The following CHMP3 variants were observed in gnomAD, a reference collection of about 807,000 sequenced individuals.
CHMP3 encodes the protein 25.1 protein.
Under a neutral mutation model 27.4 loss-of-function variants are expected in CHMP3, and 8 were observed. The observed-to-expected ratio is 0.29, with a 90% CI of 0.17 to 0.53. The LOEUF is 0.53. Ranked by LOEUF, CHMP3 falls within the 20% of genes least tolerant of loss-of-function variation. CHMP3 has a pLI of 0.96. For missense variants in CHMP3, 208 were observed against 271.5 expected (o/e 0.77, Z 1.64); for synonymous variants, 86 against 85.5 (o/e 1.01, Z -0.03).
At chr2:86,517,565 C>CAA (rs70956116) in intron 3 of CHMP3, among the ~76,000 whole-genome samples, 1,405 of 89,732 alleles carry the variant, frequency 0.016, 46 homozygotes, top group African/African-American at 0.046. Flanking sequence ...GACTCCGTCT[C>CAA]AAAAAAAAAA....
chr2:86,517,702 T>C (rs976104242), intron 3 of CHMP3, among the ~76,000 whole-genome samples: 4 of 151,774 alleles, frequency 2.6e-5, no homozygotes, highest in African/African-American at 9.7e-5. Context: ...CAGGCTCTCA[T>C]GGGAATTACA....
intron 3 of CHMP3, among the ~76,000 whole-genome samples, chr2:86,519,180 G>C (rs754109090): frequency 1.3e-5 from 2 of 151,806 alleles, no homozygotes; most frequent in Non-Finnish European, 2.9e-5. Flanking sequence ...TCAAGACCAG[G>C]CTCCTCAACA....
intron 1 of CHMP3, among the ~76,000 whole-genome samples, chr2:86,558,459 T>C (rs1259009218): frequency 6.6e-6 from 1 of 152,206 alleles, no homozygotes; most frequent in Non-Finnish European, 1.5e-5. Flanking sequence ...TACTAAACCT[T>C]ATTCTGATAC....
chr2:86,532,021 T>G (rs1340007746), intron 2 of CHMP3, among the ~76,000 whole-genome samples: 2 of 152,224 alleles, frequency 1.3e-5, no homozygotes, highest in Non-Finnish European at 2.9e-5. Flanking sequence ...GATTGCACTT[T>G]GAATGTATAA....
chr2:86,529,098 A>G, intron 3 of CHMP3, 120 bp downstream of exon 3: 1 of 1,161,234 alleles, frequency 8.6e-7, no homozygotes, highest in Non-Finnish European at 1.2e-6. Context: ...ACAACACTCA[A>G]CACTAAGAAA....
intron 3 of CHMP3, chr2:86,511,814 A>G (rs2104744499): frequency 6.6e-6 from 1 of 152,268 alleles, no homozygotes; most frequent in South Asian, 2.1e-4. Context: ...TTCAGTAAAC[A>G]TTTTTGGGCT....
chr2:86,550,565 T>C (rs1676868456), intron 1 of CHMP3, among the ~76,000 whole-genome samples: 1 of 152,210 alleles, frequency 6.6e-6, no homozygotes, highest in Admixed American at 6.5e-5. Flanking sequence ...CATGACTCCA[T>C]TAAGAAAGTA....
intron 3 of CHMP3, among the ~76,000 whole-genome samples, chr2:86,521,183 C>T (rs1675509926): frequency 1.3e-5 from 2 of 150,904 alleles, no homozygotes; most frequent in South Asian, 2.1e-4. Context: ...AATCCACCAC[C>T]CTTTGCTGAC....
At chr2:86,517,359 G>A (rs1675350087) in intron 3 of CHMP3, among the ~76,000 whole-genome samples, 1 of 152,010 alleles carries the variant, frequency 6.6e-6, no homozygotes, top group Non-Finnish European at 1.5e-5. Flanking sequence ...GAGGTCAGGA[G>A]ATCGAGACCA....
chr2:86,530,133 C>T (rs1022346152), intron 2 of CHMP3, among the ~76,000 whole-genome samples: 1 of 152,124 alleles, frequency 6.6e-6, no homozygotes, highest in Non-Finnish European at 1.5e-5. Context: ...GCTGGGATTA[C>T]AAGCACCCAC....
chr2:86,510,780 C>A (rs1225614525), intron 3 of CHMP3: 1 of 279,878 alleles, frequency 3.6e-6, no homozygotes, highest in Non-Finnish European at 6.8e-6. Flanking sequence ...AACTGTGACA[C>A]CCAGGAAAAT....
intron 1 of CHMP3, among the ~76,000 whole-genome samples, chr2:86,550,462 G>A (rs1676862618): frequency 6.6e-6 from 1 of 151,736 alleles, no homozygotes; most frequent in Admixed American, 6.6e-5. Flanking sequence ...GAGAGAGAGA[G>A]GGGAGTTCTT....
chr2:86,538,659 C>G (rs1676241456), intron 2 of CHMP3, among the ~76,000 whole-genome samples: 1 of 152,078 alleles, frequency 6.6e-6, no homozygotes, highest in Non-Finnish European at 1.5e-5. Flanking sequence ...AGTGCTCACC[C>G]AAGCTGATTA....
chr2:86,550,703 A>T (rs1022986285), intron 1 of CHMP3, among the ~76,000 whole-genome samples: 43 of 152,278 alleles, frequency 2.8e-4, no homozygotes, highest in Admixed American at 2.0e-3. Context: ...TGGGTTCTAC[A>T]TGTGTGGATT....
intron 1 of CHMP3, among the ~76,000 whole-genome samples, chr2:86,546,925 A>G (rs2104002714): frequency 6.6e-6 from 1 of 152,332 alleles, no homozygotes; most frequent in East Asian, 1.9e-4. Context: ...CTCCCATTCA[A>G]GAAAGTCTTC....
intron 2 of CHMP3, among the ~76,000 whole-genome samples, chr2:86,533,559 A>G (rs540966389): frequency 1.5e-4 from 23 of 152,058 alleles, no homozygotes; most frequent in African/African-American, 5.3e-4. Context: ...GCTGGAGTGC[A>G]AGGTTGGTCA....
At chr2:86,512,718 G>A (rs1176267319) in intron 3 of CHMP3, among the ~76,000 whole-genome samples, 1 of 152,164 alleles carries the variant, frequency 6.6e-6, no homozygotes, top group Non-Finnish European at 1.5e-5. Context: ...CAAAAGACCT[G>A]AACAGATAAC....
chr2:86,534,111 A>T (rs929408227), intron 2 of CHMP3, among the ~76,000 whole-genome samples: 2 of 151,934 alleles, frequency 1.3e-5, no homozygotes, highest in Admixed American at 6.6e-5. Flanking sequence ...TATCCTAAAG[A>T]ATGTCTTGTG....
chr2:86,528,028 C>T (rs906938228), intron 3 of CHMP3, among the ~76,000 whole-genome samples: 2 of 151,896 alleles, frequency 1.3e-5, no homozygotes, highest in African/African-American at 4.8e-5. Context: ...GTGGTACAAA[C>T]ATTTTGTCAT....
Sources: allele counts gnomAD v4.1 joint callset (sites outside exome capture counted in the v4.1 genomes callset), GRCh38; gene constraint gnomAD v4.1.1; transcripts MANE v1.5; gene names NCBI Gene and HGNC (gene_info 2026-07-23, HGNC 2026-07-21).